Variants in ZNF519 observed in about 807,000 individuals in gnomAD.
ZNF519 encodes the protein zinc finger protein 519, also known as similar to Zinc finger protein 85 (Zinc finger protein HPF4) (HTF1).
In ZNF519, 7 loss-of-function variants were observed where a neutral mutation model predicts 7.4. That is an observed-to-expected ratio of 0.94 (90% confidence interval 0.54 to 1.77). ZNF519 has a LOEUF of 1.77. Ranked by LOEUF, ZNF519 falls within the 40% of genes most tolerant of loss-of-function variation. The pLI is 0.00. For missense variants in ZNF519, 586 were observed against 623.1 expected (o/e 0.94, Z 0.63); for synonymous variants, 179 against 203.3 (o/e 0.88, Z 1.02).
chr18:14,106,495 C>T, intron 2 of ZNF519, 86 bp from the exon 3 acceptor site: 1 of 1,207,268 alleles, frequency 8.3e-7, no homozygotes. Flanking sequence ...TTTTGCCAAG[C>T]TGAGAACATC....
At chr18:14,116,900 A>G (rs2046248637) in intron 2 of ZNF519, among the ~76,000 whole-genome samples, 1 of 152,168 alleles carries the variant, frequency 6.6e-6, no homozygotes, top group Admixed American at 6.5e-5. Flanking sequence ...AATCCCACCT[A>G]CTCAGGAGGC....
At chr18:14,132,127 G>A (rs549787397) in intron 1 of ZNF519, 148 bp downstream of exon 1, 1 of 895,382 alleles carries the variant, frequency 1.1e-6, no homozygotes, top group East Asian at 2.4e-5. Context: ...TGCAGGGACA[G>A]GACAGGACGC....
chr18:14,071,162 A>T (rs1186909988), downstream of ZNF519: 2 of 151,822 alleles, frequency 1.3e-5, no homozygotes, highest in African/African-American at 4.8e-5. Context: ...TTAATGAATA[A>T]TCCAAAAATA....
At chr18:14,119,471 C>G (rs1045141133) in intron 2 of ZNF519, among the ~76,000 whole-genome samples, 1 of 152,136 alleles carries the variant, frequency 6.6e-6, no homozygotes, top group Non-Finnish European at 1.5e-5. Context: ...AAGGAAAGAA[C>G]AAGGCTCTCC....
chr18:14,092,214 G>A (rs2046117323), intron 2 of ZNF519, among the ~76,000 whole-genome samples: 1 of 152,082 alleles, frequency 6.6e-6, no homozygotes, highest in Non-Finnish European at 1.5e-5. Context: ...TGATGTCTAT[G>A]GGTGCAAAGA....
rs149267105 is a variant in ZNF519, at chr18:14,104,958, G to A, written c.1582C>T (p.Arg528Cys). 5,359 of 1,582,674 alleles carry A rather than the reference G, an allele frequency of 3.4e-3. 7 individuals carry two copies. The highest frequency in any genetic ancestry group is 4.1e-3 in the Non-Finnish European group (4,762 of 1,166,938). ...CKECGKAFNR[R>C]STLTQHQIIH... Reference sequence around the variant, plus strand: ...ATTTGATGTTGAGTAAGGGTTGAGCGTCTGTTAAAAGCTTTGCCACATTCT... The same window carrying A: ...ATTTGATGTTGAGTAAGGGTTGAGCATCTGTTAAAAGCTTTGCCACATTCT... Residue 528 changes from arginine to cysteine, a missense_variant, in exon 3 of 3, where the codon CGC (arginine) becomes TGC (cysteine). By Grantham distance (180) the Arg-to-Cys change is radical. Transcript: ENST00000590202.
chr18:14,081,196 G>A lies in ZNF519; in HGVS notation c.*178-2898C>T, dbSNP rs181358371. 2.6e-3 allele frequency among the ~76,000 whole-genome samples: 390 copies of A among 152,206 alleles called. 7 individuals are homozygous for A. Among genetic ancestry groups the A allele is most frequent in the Admixed American group, 0.024 (364 of 15,296 alleles). On this transcript the variant is annotated intron_variant and NMD_transcript_variant, in intron 3 of 4. Transcript: ENST00000587419. ...ATGTATCAATATAGACTCATCAATTGTAAGAAACATGTCACTCTTGTGGGG... is the reference window on the plus strand; with the variant it reads ...ATGTATCAATATAGACTCATCAATTATAAGAAACATGTCACTCTTGTGGGG...
At chr18:14,125,979 C>A (rs1456216939) in intron 1 of ZNF519, among the ~76,000 whole-genome samples, 2 of 152,204 alleles carry the variant, frequency 1.3e-5, no homozygotes, top group African/African-American at 4.8e-5. Context: ...AGCCACCGCA[C>A]CCGGCCTAAT....
At position 14,101,596 on chromosome 18, in the gene ZNF519, T is replaced by C; in HGVS notation, c.*3321A>G. 3 of 398,354 alleles carry C rather than the reference T, an allele frequency of 7.5e-6. No homozygotes were observed. Among genetic ancestry groups the C allele is most frequent in the Non-Finnish European group, 1.3e-5 (3 of 225,966 alleles). 24.7% of individuals were successfully genotyped at this position (398,354 alleles called of 1,614,324 possible). On this transcript the variant is annotated 3_prime_UTR_variant, in exon 3 of 3. Transcript: ENST00000590202. The stretch of plus-strand genomic sequence containing the variant: ...CCAAGGCACAAAGTCCTGTGAGTCA[T>C]CAAGGTGGAGTCCTGGCAGAAGGCC...
intron 2 of ZNF519, among the ~76,000 whole-genome samples, chr18:14,118,298 T>A (rs987114389): frequency 3.3e-5 from 5 of 152,144 alleles, no homozygotes; most frequent in Non-Finnish European, 7.3e-5. Flanking sequence ...GACCTCGTGA[T>A]CCACCTGCCT....
chr18:14,086,194 G>A (rs997435077), intron 2 of ZNF519, among the ~76,000 whole-genome samples: 5 of 152,192 alleles, frequency 3.3e-5, no homozygotes, highest in Admixed American at 6.5e-5. Context: ...CCCAACACTG[G>A]GGAAGACTCA....
rs1291881951 is a variant in ZNF519 at position 14,102,117 on chromosome 18, A to G, written c.*2800T>C. 1 of 162,410 alleles carries G rather than the reference A, an allele frequency of 6.2e-6. No individual in the cohort carries two copies. Among genetic ancestry groups the G allele is most frequent in the African/African-American group, 2.4e-5 (1 of 41,822 alleles). The allele number at this position is 162,410 out of a possible 1,614,324, so 10.1% of individuals were successfully genotyped here. ...CTATTTTAATTCCATCCTATCATTC[A>G]TTCATTCATTTATTTATTTATTTAG... On this transcript the variant is annotated 3_prime_UTR_variant, in exon 3 of 3. Transcript: ENST00000590202.
At chr18:14,120,441 C>T (rs2046265088) in intron 2 of ZNF519, among the ~76,000 whole-genome samples, 1 of 152,036 alleles carries the variant, frequency 6.6e-6, no homozygotes, top group Non-Finnish European at 1.5e-5. Flanking sequence ...CTTAAAACTC[C>T]TGAAGAAAAC....
At chr18:14,123,147 A>G in intron 2 of ZNF519, 1 of 255,582 alleles carries the variant, frequency 3.9e-6, no homozygotes, top group Non-Finnish European at 8.2e-6. Context: ...TCTATCTTCA[A>G]ATTGTAAGGC....
intron 3 of ZNF519, among the ~76,000 whole-genome samples, chr18:14,082,000 T>C (rs7229526): frequency 0.21 from 31,277 of 151,910 alleles, 4,023 homozygotes; most frequent in East Asian, 0.68. Flanking sequence ...AAAAATAAAA[T>C]ATATAAAACA....
intron 2 of ZNF519, among the ~76,000 whole-genome samples, chr18:14,109,267 G>A (rs754140154): frequency 6.6e-6 from 1 of 152,160 alleles, no homozygotes. Flanking sequence ...ATAATACCTA[G>A]AGACTGCAAC....
chr18:14,128,810 A>G (rs963397005), intron 1 of ZNF519, among the ~76,000 whole-genome samples: 41 of 152,212 alleles, frequency 2.7e-4, no homozygotes, highest in Admixed American at 3.9e-4. Context: ...AAATGCTTTA[A>G]GAAAAGAAGA....
chr18:14,078,506 A>G (rs1391437280), intron 3 of ZNF519, among the ~76,000 whole-genome samples: 2 of 152,228 alleles, frequency 1.3e-5, no homozygotes, highest in African/African-American at 2.4e-5. Context: ...ATCCAGAGAT[A>G]AATTTTACTA....
Position 14,132,411 on chromosome 18 carries a change from C to G in ZNF519, c.-134G>C. 1 of 1,120,184 alleles carries G rather than the reference C, an allele frequency of 8.9e-7. No homozygotes were observed. The highest frequency in any genetic ancestry group is 1.3e-6 in the Non-Finnish European group (1 of 760,766). The allele number at this position is 1,120,184 out of a possible 1,614,324, so 69.4% of individuals were successfully genotyped here. On this transcript the variant is annotated 5_prime_UTR_variant, in exon 1 of 3. Transcript: ENST00000590202. The stretch of plus-strand genomic sequence containing the variant: ...GGACACAAGGCAATGAAGCCCTAAC[C>G]CCGCGCTCTGGCTGAAGTGAGACAA...
Sources: allele counts gnomAD v4.1 joint callset (sites outside exome capture counted in the v4.1 genomes callset), GRCh38; gene constraint gnomAD v4.1.1; transcripts MANE v1.5; gene names NCBI Gene and HGNC (gene_info 2026-07-23, HGNC 2026-07-21).